The following GRIK4 variants were observed in gnomAD, a reference collection of about 807,000 sequenced individuals.
The protein encoded by GRIK4 is glutamate receptor ionotropic, kainate 4.
A neutral mutation model predicts 104.9 loss-of-function variants in GRIK4; 40 were observed. The observed-to-expected ratio is 0.38, with a 90% CI of 0.30 to 0.50. The LOEUF (loss-of-function observed/expected upper bound fraction) is 0.50. Ranked by LOEUF, GRIK4 falls within the 20% of genes least tolerant of loss-of-function variation. The pLI is 0.93. For synonymous variants in GRIK4, 485 were observed against 524.9 expected (o/e 0.92, Z 1.04); for missense variants, 1,047 against 1,308.1 (o/e 0.80, Z 3.08).
At chr11:120,787,687 TCCTGGCCTCA>T (rs1952309565) in intron 3 of GRIK4, among the ~76,000 whole-genome samples, 1 of 151,732 alleles carries the variant, frequency 6.6e-6, no homozygotes, top group East Asian at 1.9e-4. Context: ...GGTTTGGAAC[TCCTGGCCTCA>T]CGTGATCCAC....
chr11:120,765,057 A>G (rs879039878), intron 3 of GRIK4, among the ~76,000 whole-genome samples: 3 of 152,078 alleles, frequency 2.0e-5, no homozygotes, highest in Non-Finnish European at 4.4e-5. Context: ...GTGTTTTCCA[A>G]CTTGATTCCA....
intron 3 of GRIK4, among the ~76,000 whole-genome samples, chr11:120,677,333 A>G (rs1421136317): frequency 6.6e-6 from 1 of 152,148 alleles, no homozygotes; most frequent in East Asian, 1.9e-4. Flanking sequence ...GGGTCTAGAG[A>G]GAATAACATC....
intron 1 of GRIK4, chr11:120,620,153 A>G (rs1373021785): frequency 1.8e-5 from 15 of 839,108 alleles, no homozygotes; most frequent in Non-Finnish European, 3.0e-5. Flanking sequence ...ATCATGCCTG[A>G]TGTTAATGCA....
chr11:120,764,099 A>G (rs573863316), intron 3 of GRIK4, among the ~76,000 whole-genome samples: 38 of 152,260 alleles, frequency 2.5e-4, no homozygotes, highest in African/African-American at 9.1e-4. Flanking sequence ...GTGGGTCTCT[A>G]AGAACTTGCT....
rs201787433 is a variant in GRIK4 at position 120,956,743 on chromosome 11, C to T, written c.1701-37C>T. The T allele has an allele frequency of 3.3e-5, 48 of 1,449,870 alleles. No homozygotes were observed. The highest frequency in any genetic ancestry group is 4.3e-5 in the Non-Finnish European group (47 of 1,081,564). 89.8% of individuals were successfully genotyped at this position (1,449,870 alleles called of 1,614,324 possible). A position where few individuals can be genotyped will look rare whatever the true frequency, so the allele number is the denominator to read the frequency against. On this transcript the variant is annotated intron_variant, in intron 15 of 20. Coordinates refer to ENST00000527524, the MANE Select transcript of GRIK4 (RefSeq NM_014619.5). This position sits in a 1 kb window ranked among gnomAD's most constrained non-coding sequence, Gnocchi z 4.6. ...CTGCCTGTGTCCCTTCACACCCCGC[C>T]TCTGTGGCACTAGTGTATGTTCCTT...
intron 8 of GRIK4, among the ~76,000 whole-genome samples, chr11:120,839,398 G>A (rs1009161295): frequency 2.0e-5 from 3 of 152,202 alleles, no homozygotes; most frequent in African/African-American, 7.2e-5. Flanking sequence ...GTGTGATCCT[G>A]TGCAGTTTAC....
chr11:120,735,878 CTCA>C (rs1274060013), intron 3 of GRIK4, among the ~76,000 whole-genome samples: 51 of 152,284 alleles, frequency 3.3e-4, no homozygotes, highest in African/African-American at 1.1e-3. Context: ...GCAAGGACAT[CTCA>C]GTCAGCTTGT....
At chr11:120,635,577 G>A (rs1210740371) in intron 1 of GRIK4, among the ~76,000 whole-genome samples, 1 of 152,174 alleles carries the variant, frequency 6.6e-6, no homozygotes, top group Non-Finnish European at 1.5e-5. Context: ...CTGTTGAACC[G>A]CTATCAGTCA....
At chr11:120,518,528 G>A (rs1947757841) in intron 1 of GRIK4, among the ~76,000 whole-genome samples, 1 of 152,126 alleles carries the variant, frequency 6.6e-6, no homozygotes. Context: ...AAAGCCCAGG[G>A]TGTTTAAGTC....
At position 120,896,096 on chromosome 11, in the gene GRIK4, CATAAGT is replaced by C. The variant is rs1364515762; in HGVS notation, c.1165-2430_1165-2425del. ...GCCAGGCCCAGAGCAAGGGCACAAG[CATAAGT>C]ATAAGACCAGCACCTGCTGTCCTGA... On this transcript the variant is annotated intron_variant, in intron 11 of 20. Coordinates refer to ENST00000527524, the MANE Select transcript of GRIK4 (RefSeq NM_014619.5). 2.0e-5 allele frequency among the ~76,000 whole-genome samples: 3 copies of C among 150,734 alleles called. No individual in the cohort carries two copies. The East Asian group carries it at 5.8e-4, about 29-fold the overall frequency.
At chr11:120,776,858 C>T (rs144961383) in intron 3 of GRIK4, among the ~76,000 whole-genome samples, 37 of 152,264 alleles carry the variant, frequency 2.4e-4, no homozygotes, top group African/African-American at 7.9e-4. Context: ...GCCGGCTCTC[C>T]GCAGAGCAAG....
intron 3 of GRIK4, among the ~76,000 whole-genome samples, chr11:120,693,035 A>G (rs932549075): frequency 6.6e-6 from 1 of 152,006 alleles, no homozygotes; most frequent in African/African-American, 2.4e-5. Context: ...CCCAGCCCAG[A>G]CAACTCTTAA....
At position 120,967,122 on chromosome 11, in the gene GRIK4, G is replaced by T. The variant is rs532033967; in HGVS notation, c.2267-73G>T. The T allele has an allele frequency of 6.6e-7, 1 of 1,513,380 alleles. No individual in the cohort carries two copies. Among genetic ancestry groups the T allele is most frequent in the East Asian group, 2.3e-5 (1 of 43,002 alleles). 93.7% of individuals were successfully genotyped at this position (1,513,380 alleles called of 1,614,324 possible). On this transcript the variant is annotated intron_variant, in intron 18 of 20. Transcript: ENST00000527524. The surrounding 1 kb of genome is among the most constrained non-coding windows in gnomAD (Gnocchi z 4.2). ...AGGCAGGGTGGCCAGGAGGTGTGCC[G>T]GGAAGGGGAGCAGAGTGACACCTAA...
chr11:120,621,731 A>G (rs1244798892), intron 1 of GRIK4, among the ~76,000 whole-genome samples: 4 of 152,142 alleles, frequency 2.6e-5, no homozygotes, highest in Non-Finnish European at 4.4e-5. Context: ...CTTCCTTTCT[A>G]AAGTGAAGGC....
chr11:120,975,971 T>C (rs1399449648), intron 19 of GRIK4, among the ~76,000 whole-genome samples: 1 of 152,202 alleles, frequency 6.6e-6, no homozygotes, highest in Non-Finnish European at 1.5e-5. Flanking sequence ...AGTTAAAACA[T>C]TTAGCATGCT....
chr11:120,601,340 C>A (rs868632840), intron 1 of GRIK4, among the ~76,000 whole-genome samples: 1 of 151,630 alleles, frequency 6.6e-6, no homozygotes, highest in Non-Finnish European at 1.5e-5. Flanking sequence ...CGGGAGGTGG[C>A]GGTTGCAGTG....
chr11:120,693,919 C>T (rs778327881), intron 3 of GRIK4, among the ~76,000 whole-genome samples: 5 of 151,768 alleles, frequency 3.3e-5, no homozygotes, highest in African/African-American at 7.3e-5. Context: ...GAGACAAGGG[C>T]GTCACCTTTT....
chr11:120,627,281 C>T (rs1234819773), intron 1 of GRIK4, among the ~76,000 whole-genome samples: 1 of 152,238 alleles, frequency 6.6e-6, no homozygotes, highest in Non-Finnish European at 1.5e-5. Context: ...ACTTACAAAA[C>T]TGATTTTAGA....
Position 120,555,506 on chromosome 11 carries a change from TA to T in GRIK4, c.-159+43623del, listed in dbSNP as rs903624715. ...CACACACTTTCTCCTCTTCACTCAG[TA>T]AAATTTGCTCTGGGGCTGAGGCTGC... On this transcript the variant is annotated intron_variant, in intron 1 of 20. Coordinates refer to ENST00000527524, the MANE Select transcript of GRIK4 (RefSeq NM_014619.5). The surrounding 1 kb of genome is among the most constrained non-coding windows in gnomAD (Gnocchi z 5.3). 3.3e-5 allele frequency among the ~76,000 whole-genome samples: 5 copies of T among 152,204 alleles called. No homozygotes were observed. Among genetic ancestry groups the T allele is most frequent in the African/African-American group, 1.2e-4 (5 of 41,442 alleles).
Sources: allele counts gnomAD v4.1 joint callset (sites outside exome capture counted in the v4.1 genomes callset), GRCh38; gene constraint gnomAD v4.1.1; non-coding constraint Gnocchi (gnomAD v3.1); transcripts MANE v1.5; gene names NCBI Gene and HGNC (gene_info 2026-07-23, HGNC 2026-07-21).